ABAT: variants seen among roughly 807,000 people sequenced by gnomAD.
The protein encoded by ABAT is 4-aminobutyrate aminotransferase.
A neutral mutation model predicts 64.6 loss-of-function variants in ABAT; 45 were observed. That is an observed-to-expected ratio of 0.70 (90% CI 0.55 to 0.89). ABAT has a LOEUF of 0.89. Ranked by LOEUF, ABAT falls within the 40% of genes least tolerant of loss-of-function variation. ABAT has a pLI of 0.00. For missense variants in ABAT, 633 were observed against 658.4 expected (o/e 0.96, Z 0.42); for synonymous variants, 297 against 250.5 (o/e 1.19, Z -1.75).
intron 1 of ABAT, among the ~76,000 whole-genome samples, chr16:8,700,700 A>T (rs745900846): frequency 6.6e-5 from 10 of 152,146 alleles, no homozygotes; most frequent in Non-Finnish European, 1.0e-4. Context: ...GGGATCAAGC[A>T]GTCTTCCCAC....
intron 1 of ABAT, among the ~76,000 whole-genome samples, chr16:8,723,827 A>ATATATAT (rs1567286201): frequency 2.5e-5 from 1 of 40,348 alleles, no homozygotes. Context: ...ATATATATAT[A>ATATATAT]TTTTTTTTTT....
chr16:8,688,084 T>TC (rs397805500), intron 1 of ABAT, among the ~76,000 whole-genome samples: 1 of 151,714 alleles, frequency 6.6e-6, no homozygotes, highest in African/African-American at 2.4e-5. Context: ...TTATTTTTTT[T>TC]GTAGAGGCAA....
Position 8,780,724 on chromosome 16 carries a change from C to G in ABAT, c.1382-585C>G, listed in dbSNP as rs577682068. ...TGCAGTGAGTGAGACTGGGTTGCCA[C>G]TGCACCCCAGCCTGGGTGACAGCGC... On this transcript the variant is annotated intron_variant, in intron 15 of 15. Transcript: ENST00000268251. 4 of 181,288 alleles carry G rather than the reference C, an allele frequency of 2.2e-5. No individual in the cohort carries two copies. The Admixed American group carries it at 2.2e-4, about 10-fold the overall frequency. 11.2% of individuals were successfully genotyped at this position (181,288 alleles called of 1,614,324 possible).
chr16:8,721,395 G>A (rs943770237), intron 1 of ABAT, among the ~76,000 whole-genome samples: 11 of 152,018 alleles, frequency 7.2e-5, no homozygotes, highest in Admixed American at 2.0e-4. Context: ...CTCAGCCTCC[G>A]AGCCTCCAGA....
At chr16:8,733,084 C>G (rs1210799675) in intron 1 of ABAT, among the ~76,000 whole-genome samples, 1 of 145,962 alleles carries the variant, frequency 6.9e-6, no homozygotes, top group Non-Finnish European at 1.5e-5. Flanking sequence ...GCTGACCCCC[C>G]CACCTCCCTC....
chr16:8,773,037 C>T, intron 12 of ABAT, 120 bp downstream of exon 12: 2 of 1,390,756 alleles, frequency 1.4e-6, no homozygotes. Flanking sequence ...CTTGCAGAGG[C>T]TGTCTGTCAG....
chr16:8,676,245 G>A (rs1730959), intron 1 of ABAT, among the ~76,000 whole-genome samples: 27,204 of 152,084 alleles, frequency 0.18, 3,040 homozygotes, highest in African/African-American at 0.3. Context: ...AAGGGCTTCT[G>A]CATTAAAGAC....
chr16:8,749,807 C>T (rs112483039), intron 4 of ABAT, among the ~76,000 whole-genome samples: 3,104 of 151,912 alleles, frequency 0.02, 113 homozygotes, highest in African/African-American at 0.069. Context: ...CTCCGCCTCC[C>T]GGGTGCAGTG....
intron 5 of ABAT, among the ~76,000 whole-genome samples, chr16:8,751,861 AGACAGGATG>A (rs1162892080): frequency 6.6e-6 from 1 of 152,232 alleles, no homozygotes; most frequent in Non-Finnish European, 1.5e-5. Flanking sequence ...AAGGGCACAC[AGACAGGATG>A]GACAGGGCTA....
intron 1 of ABAT, among the ~76,000 whole-genome samples, chr16:8,699,692 G>A (rs2057777228): frequency 6.6e-6 from 1 of 152,140 alleles, no homozygotes; most frequent in African/African-American, 2.4e-5. Flanking sequence ...CTCCTGAGTA[G>A]CTGGGACTAC....
chr16:8,761,979 C>T (rs956558728), intron 6 of ABAT, among the ~76,000 whole-genome samples: 2 of 85,234 alleles, frequency 2.3e-5, no homozygotes. Flanking sequence ...CCTTCTTCTT[C>T]CTTCTCCTTC....
chr16:8,740,764 A>G (rs894771848), intron 2 of ABAT, among the ~76,000 whole-genome samples: 3 of 152,252 alleles, frequency 2.0e-5, no homozygotes, highest in Admixed American at 6.5e-5. Context: ...AGACCACATC[A>G]AAATTGTTAT....
chr16:8,704,302 C>A (rs2057892138), intron 1 of ABAT, among the ~76,000 whole-genome samples: 1 of 152,194 alleles, frequency 6.6e-6, no homozygotes, highest in South Asian at 2.1e-4. Context: ...GCCTCTGGGG[C>A]TCTCTGTTAA....
At chr16:8,722,937 C>T (rs533074668) in intron 1 of ABAT, 3 of 1,157,432 alleles carry the variant, frequency 2.6e-6, no homozygotes, top group South Asian at 2.6e-5. Flanking sequence ...TCCGAACGGG[C>T]CTTAGAAACA....
At position 8,754,701 on chromosome 16, in the gene ABAT, TC is replaced by T. The variant is rs1567305330; in HGVS notation, c.317-3055del. ...TTCTTTCTTTCTTTCTTTCTTTCTT[TC>T]TTTCTTTCTTTCTTTCTTTCTTTTT... is the stretch of plus-strand genomic sequence containing the variant. On this transcript the variant is annotated intron_variant, in intron 5 of 15. Transcript: ENST00000268251. Among the ~76,000 whole-genome samples, 364 of 88,314 alleles carry T rather than the reference TC, an allele frequency of 4.1e-3. 7 individuals are homozygous for T. The highest frequency in any genetic ancestry group is 0.013 in the African/African-American group (346 of 25,716). The allele number at this position is 88,314 out of a possible 152,430, so 57.9% of individuals were successfully genotyped here.
intron 1 of ABAT, among the ~76,000 whole-genome samples, chr16:8,730,839 C>G (rs565742268): frequency 2.6e-5 from 4 of 152,366 alleles, no homozygotes; most frequent in East Asian, 1.9e-4. Context: ...TCAACCCCAA[C>G]GCTGGCTCCA....
chr16:8,712,320 G>A (rs2058095632), intron 1 of ABAT, among the ~76,000 whole-genome samples: 1 of 152,210 alleles, frequency 6.6e-6, no homozygotes, highest in South Asian at 2.1e-4. Context: ...TTGGGGGGAA[G>A]GATACTGATG....
intron 2 of ABAT, among the ~76,000 whole-genome samples, chr16:8,745,609 A>T (rs1262558782): frequency 6.6e-6 from 1 of 152,116 alleles, no homozygotes; most frequent in East Asian, 1.9e-4. Context: ...AGGCAGAAGG[A>T]TCAACTGAGC....
chr16:8,781,342 T>C lies in ABAT; in HGVS notation c.1415T>C (p.Ile472Thr). ...TTGGGTGGCTGTGGTGACAAATCCATTCGTTTCCGTCCCACGCTGGTCTTC... is the reference window on the plus strand; with the variant it reads ...TTGGGTGGCTGTGGTGACAAATCCACTCGTTTCCGTCCCACGCTGGTCTTC... ...VVLGGCGDKS[I>T]RFRPTLVFRD... The change falls in exon 16 of 16, where the codon ATT (isoleucine) becomes ACT (threonine). Residue 472 changes from isoleucine to threonine, a missense_variant. Coordinates refer to ENST00000268251, the MANE Select transcript of ABAT (RefSeq NM_020686.6). This position sits in a 1 kb window ranked among gnomAD's most constrained non-coding sequence, Gnocchi z 4.5. 6.2e-7 allele frequency: 1 copy of C among 1,614,164 alleles called. No homozygotes were observed. Among genetic ancestry groups the C allele is most frequent in the Non-Finnish European group, 8.5e-7 (1 of 1,180,014 alleles).
Sources: gnomAD v4.1 joint callset for allele counts (sites outside exome capture counted in the v4.1 genomes callset) on GRCh38, gnomAD v4.1.1 for gene constraint, Gnocchi (gnomAD v3.1) non-coding constraint, MANE v1.5 for transcripts, NCBI Gene and HGNC (gene_info 2026-07-23, HGNC 2026-07-21) for gene names.